CACNA2D2: variants seen among roughly 807,000 people sequenced by gnomAD.
CACNA2D2 encodes the protein voltage-dependent calcium channel subunit alpha-2/delta-2.
CACNA2D2 carries 48 observed loss-of-function variants against 166.4 expected under a neutral mutation model. That is an observed-to-expected ratio of 0.29 (90% CI 0.23 to 0.37). CACNA2D2 has a LOEUF of 0.37. Among genes scored for constraint, CACNA2D2 ranks in the 10% least tolerant of loss-of-function variants. The pLI, the probability that CACNA2D2 is intolerant of heterozygous loss-of-function variation, is 1.00. For synonymous variants in CACNA2D2, 561 were observed against 573.7 expected (o/e 0.98, Z 0.32); for missense variants, 1,122 against 1,433.0 (o/e 0.78, Z 3.50).
intron 4 of CACNA2D2, among the ~76,000 whole-genome samples, chr3:50,390,703 G>C (rs587641685): frequency 7.5e-4 from 114 of 152,324 alleles, no homozygotes; most frequent in Non-Finnish European, 1.4e-3. Context: ...GAGGGGCGGG[G>C]CAGGAGGGTC....
rs1704072323 is a variant in CACNA2D2 at position 50,363,993 on chromosome 3, A to G, written c.*673T>C. ...TAAGCCCCTACACCCACCCCACCCC[A>G]TAGTGTGTGTGTTTGTGCGTGTGCC... is the stretch of plus-strand genomic sequence containing the variant. On this transcript the variant is annotated 3_prime_UTR_variant, in exon 38 of 38. Transcript: ENST00000424201. 6.7e-6 allele frequency: 1 copy of G among 149,632 alleles called. No individual in the cohort carries two copies. Among genetic ancestry groups the G allele is most frequent in the South Asian group, 2.2e-4 (1 of 4,624 alleles). The allele number at this position is 149,632 out of a possible 1,614,324, so 9.3% of individuals were successfully genotyped here. A position where few individuals can be genotyped will look rare whatever the true frequency, so the allele number is the denominator to read the frequency against.
chr3:50,448,866 C>T (rs1708980393), intron 2 of CACNA2D2, among the ~76,000 whole-genome samples: 2 of 152,198 alleles, frequency 1.3e-5, no homozygotes, highest in African/African-American at 4.8e-5. Flanking sequence ...ACCCTGAGAA[C>T]ACCCCATTGA....
Position 50,375,328 on chromosome 3 carries a change from C to T in CACNA2D2, c.1907+316G>A, listed in dbSNP as rs969363236. The stretch of plus-strand genomic sequence containing the variant: ...GCTGTGTGGGGCAGGCAGAGGTCAG[C>T]CTGCACTGACCCAGCCTGACACACA... On this transcript the variant is annotated intron_variant, in intron 21 of 37. Coordinates refer to ENST00000424201, the MANE Select transcript of CACNA2D2 (RefSeq NM_006030.4). The surrounding 1 kb of genome is among the most constrained non-coding windows in gnomAD (Gnocchi z 4.0). 2.0e-5 allele frequency among the ~76,000 whole-genome samples: 3 copies of T among 152,180 alleles called. No homozygotes were observed. Among genetic ancestry groups the T allele is most frequent in the South Asian group, 4.1e-4 (2 of 4,836 alleles).
At position 50,380,626 on chromosome 3, in the gene CACNA2D2, G is replaced by C. The variant is rs1014668085; in HGVS notation, c.842+122C>G. ...TTCCAGTGGCAACCATGTGTGAAATGAAAATTGGATACAGCTGGCTGCGCC... is the reference window on the plus strand; with the variant it reads ...TTCCAGTGGCAACCATGTGTGAAATCAAAATTGGATACAGCTGGCTGCGCC... On this transcript the variant is annotated intron_variant, in intron 8 of 37. Coordinates refer to ENST00000424201, the MANE Select transcript of CACNA2D2 (RefSeq NM_006030.4). The surrounding 1 kb of genome is among the most constrained non-coding windows in gnomAD (Gnocchi z 4.9). 6.2e-6 allele frequency: 5 copies of C among 812,548 alleles called. No homozygotes were observed. In the African/African-American group the frequency reaches 8.8e-5, roughly 14 times the overall value. The allele number at this position is 812,548 out of a possible 1,614,324, so 50.3% of individuals were successfully genotyped here.
At chr3:50,447,012 C>T (rs952722453) in intron 2 of CACNA2D2, among the ~76,000 whole-genome samples, 3 of 152,188 alleles carry the variant, frequency 2.0e-5, no homozygotes, top group Admixed American at 6.5e-5. Flanking sequence ...CACCTTCTTC[C>T]GTGCTAGGAA....
At chr3:50,473,651 G>A (rs1039626758) in intron 2 of CACNA2D2, among the ~76,000 whole-genome samples, 10 of 152,194 alleles carry the variant, frequency 6.6e-5, no homozygotes, top group African/African-American at 1.7e-4. Context: ...GACCGTCTTC[G>A]TGTGCATTTG....
chr3:50,407,772 A>T (rs1706795613), intron 3 of CACNA2D2, among the ~76,000 whole-genome samples: 1 of 152,172 alleles, frequency 6.6e-6, no homozygotes, highest in Non-Finnish European at 1.5e-5. Context: ...CCTATGGGAG[A>T]GGAGTATGGT....
In CACNA2D2 at chr3:50,388,904, G is replaced by A. The variant is rs9311450; in HGVS notation, c.466-1292C>T. ...ACACTGACTGCATGCCTGGCACCAC[G>A]CATGGGTAAGACCACAACTTCCTGA... On this transcript the variant is annotated intron_variant, in intron 4 of 37. Coordinates refer to ENST00000424201, the MANE Select transcript of CACNA2D2 (RefSeq NM_006030.4). 3.0e-3 allele frequency among the ~76,000 whole-genome samples: 457 copies of A among 152,366 alleles called. 2 individuals carry two copies. The highest frequency in any genetic ancestry group is 0.01 in the African/African-American group (420 of 41,590).
intron 1 of CACNA2D2, among the ~76,000 whole-genome samples, chr3:50,502,888 C>T (rs914415151): frequency 4.6e-5 from 7 of 152,264 alleles, no homozygotes; most frequent in Non-Finnish European, 1.0e-4. Flanking sequence ...ACCCGGGTTT[C>T]CCTCTCACCG....
At chr3:50,386,377 T>C (rs1217503105) in intron 5 of CACNA2D2, among the ~76,000 whole-genome samples, 1 of 152,162 alleles carries the variant, frequency 6.6e-6, no homozygotes, top group Admixed American at 6.5e-5. Flanking sequence ...GCAACTGCAG[T>C]CTCCTGGTTT....
rs1342277474 is a variant in CACNA2D2, at chr3:50,427,582, CA to C, written c.405+6730del. ...TTCATAATGGAGGGGAGGCAGAAGC[CA>C]TCGCCAGCCCCACATAAACACCTTT... is the stretch of plus-strand genomic sequence containing the variant. On this transcript the variant is annotated intron_variant, in intron 3 of 37. Transcript: ENST00000424201. The surrounding 1 kb of genome is among the most constrained non-coding windows in gnomAD (Gnocchi z 4.7). 6.6e-6 allele frequency among the ~76,000 whole-genome samples: 1 copy of C among 152,234 alleles called. No individual in the cohort carries two copies. The highest frequency in any genetic ancestry group is 1.5e-5 in the Non-Finnish European group (1 of 68,044).
Position 50,377,807 on chromosome 3 carries a change from A to T in CACNA2D2, c.1480-4T>A, listed in dbSNP as rs1444796440. 5 of 1,611,704 alleles carry T rather than the reference A, an allele frequency of 3.1e-6. No homozygotes were observed. The African/African-American group carries it at 6.7e-5, about 22-fold the overall frequency. ...CTGTTACCACCAACCCCAGTCCCTG[A>T]AGGGAGAGGAAGATGATGGAGTCAC... On this transcript the variant is annotated splice_polypyrimidine_tract_variant and splice_region_variant and intron_variant, in intron 15 of 37. Coordinates refer to ENST00000424201, the MANE Select transcript of CACNA2D2 (RefSeq NM_006030.4).
chr3:50,465,833 T>G (rs1036993912), intron 2 of CACNA2D2, among the ~76,000 whole-genome samples: 2 of 152,108 alleles, frequency 1.3e-5, no homozygotes, highest in Non-Finnish European at 2.9e-5. Flanking sequence ...TGGTGGACAC[T>G]AGCTCTTCTC....
intron 3 of CACNA2D2, among the ~76,000 whole-genome samples, chr3:50,396,062 C>T (rs1706133248): frequency 6.6e-6 from 1 of 152,162 alleles, no homozygotes; most frequent in Non-Finnish European, 1.5e-5. Flanking sequence ...CAGCCTCACA[C>T]TCCTAGGGTT....
rs1360149094 is a variant in CACNA2D2, at chr3:50,366,721, G to A, written c.2590-96C>T. On this transcript the variant is annotated intron_variant, in intron 29 of 37. Transcript: ENST00000424201. The surrounding 1 kb of genome is among the most constrained non-coding windows in gnomAD (Gnocchi z 5.9). ...CGGTTCCCCAGGCCATCTGCAGCTG[G>A]CCCTGCCTCCATGTAGGTGTTGGAG... 13 of 1,562,114 alleles carry A rather than the reference G, an allele frequency of 8.3e-6. No individual in the cohort carries two copies. Among genetic ancestry groups the A allele is most frequent in the South Asian group, 6.7e-5 (6 of 89,252 alleles).
At chr3:50,492,460 G>T (rs988684838) in intron 1 of CACNA2D2, among the ~76,000 whole-genome samples, 3 of 152,200 alleles carry the variant, frequency 2.0e-5, no homozygotes, top group Non-Finnish European at 4.4e-5. Flanking sequence ...CAAACCCCAG[G>T]TTTGGGTCTA....
chr3:50,369,583 C>G (rs1704541014), intron 23 of CACNA2D2, among the ~76,000 whole-genome samples: 1 of 152,252 alleles, frequency 6.6e-6, no homozygotes, highest in South Asian at 2.1e-4. Context: ...TCCAGTGCCC[C>G]TGGGTCTCTT....
intron 1 of CACNA2D2, among the ~76,000 whole-genome samples, chr3:50,501,587 C>G (rs767383571): frequency 6.6e-6 from 1 of 152,150 alleles, no homozygotes; most frequent in Non-Finnish European, 1.5e-5. Context: ...GAGACTCGTG[C>G]AGGCCCAGAA....
At chr3:50,387,267 C>G (rs1705654847) in intron 5 of CACNA2D2, among the ~76,000 whole-genome samples, 2 of 152,216 alleles carry the variant, frequency 1.3e-5, no homozygotes, top group African/African-American at 4.8e-5. Context: ...CTGTCTCCCT[C>G]CTCTCACTGC....
Sources: allele counts gnomAD v4.1 joint callset (sites outside exome capture counted in the v4.1 genomes callset), GRCh38; gene constraint gnomAD v4.1.1; non-coding constraint Gnocchi (gnomAD v3.1); transcripts MANE v1.5; gene names NCBI Gene and HGNC (gene_info 2026-07-23, HGNC 2026-07-21).